The following ATP8A2 variants were observed in gnomAD, a reference collection of about 807,000 sequenced individuals.
ATP8A2 encodes ATPase phospholipid transporting 8A2.
Under a neutral mutation model 165.6 loss-of-function variants are expected in ATP8A2, and 100 were observed. The observed-to-expected ratio is 0.60, with a 90% CI of 0.51 to 0.71. ATP8A2 has a LOEUF of 0.71. Ranked by LOEUF, ATP8A2 falls within the 30% of genes least tolerant of loss-of-function variation. The pLI is 0.00. For synonymous variants in ATP8A2, 543 were observed against 548.8 expected (o/e 0.99, Z 0.15); for missense variants, 1,227 against 1,479.5 (o/e 0.83, Z 2.80).
intron 2 of ATP8A2, among the ~76,000 whole-genome samples, chr13:25,506,431 A>G (rs2037038182): frequency 6.6e-6 from 1 of 152,246 alleles, no homozygotes; most frequent in South Asian, 2.1e-4. Context: ...CTGGCCTCCA[A>G]TATGGAAACC....
At chr13:25,634,883 T>G (rs935831903) in intron 24 of ATP8A2, among the ~76,000 whole-genome samples, 1 of 152,166 alleles carries the variant, frequency 6.6e-6, no homozygotes. Context: ...ACACTTACCA[T>G]AGTGTTTAGC....
intron 33 of ATP8A2, among the ~76,000 whole-genome samples, chr13:25,890,307 GA>G (rs1953320077): frequency 1.3e-5 from 2 of 152,104 alleles, no homozygotes; most frequent in Admixed American, 1.3e-4. Flanking sequence ...AGTTTCCTTT[GA>G]AAGTGGAGAC....
At chr13:25,791,278 A>G (rs2045164834) in intron 27 of ATP8A2, among the ~76,000 whole-genome samples, 2 of 152,250 alleles carry the variant, frequency 1.3e-5, no homozygotes, top group South Asian at 2.1e-4. Flanking sequence ...GCAAACTAAC[A>G]TAGGAACAGA....
chr13:25,900,223 T>C (rs1051337195), intron 33 of ATP8A2, among the ~76,000 whole-genome samples: 7 of 152,194 alleles, frequency 4.6e-5, no homozygotes, highest in African/African-American at 1.7e-4. Context: ...CATGAATATT[T>C]ATGAGAGGAG....
intron 27 of ATP8A2, among the ~76,000 whole-genome samples, chr13:25,785,819 C>T (rs1235188341): frequency 1.3e-5 from 2 of 152,198 alleles, no homozygotes; most frequent in Admixed American, 6.5e-5. Flanking sequence ...ACAGAAAGAG[C>T]ACCTTCTGTA....
At chr13:25,784,539 C>A (rs1209836157) in intron 27 of ATP8A2, among the ~76,000 whole-genome samples, 1 of 152,132 alleles carries the variant, frequency 6.6e-6, no homozygotes, top group African/African-American at 2.4e-5. Context: ...TCCCTAAGGG[C>A]AAATAATCCA....
chr13:25,902,527 T>C (rs1420267871), intron 33 of ATP8A2, among the ~76,000 whole-genome samples: 3 of 151,886 alleles, frequency 2.0e-5, no homozygotes, highest in Admixed American at 6.6e-5. Flanking sequence ...GTTATATCTA[T>C]TCATGTGAAA....
At chr13:25,629,742 T>C (rs2041191378) in intron 24 of ATP8A2, among the ~76,000 whole-genome samples, 1 of 152,184 alleles carries the variant, frequency 6.6e-6, no homozygotes, top group South Asian at 2.1e-4. Flanking sequence ...TTTTACTGTG[T>C]TAGATCAGCG....
intron 17 of ATP8A2, 75 bp from the exon 18 acceptor site, chr13:25,571,535 T>A: frequency 8.8e-7 from 1 of 1,136,054 alleles, no homozygotes; most frequent in Non-Finnish European, 1.3e-6. Context: ...ATTTTGTTAA[T>A]TTGAAAAGTG....
intron 30 of ATP8A2, among the ~76,000 whole-genome samples, chr13:25,853,396 A>AAAT (rs1555278504): frequency 1.0e-4 from 11 of 107,850 alleles, no homozygotes; most frequent in South Asian, 8.7e-4. Flanking sequence ...ATCTAAAAAA[A>AAAT]ATATATATAT....
chr13:25,906,917 T>C (rs1203536787), intron 33 of ATP8A2, among the ~76,000 whole-genome samples: 1 of 152,214 alleles, frequency 6.6e-6, no homozygotes, highest in Admixed American at 6.5e-5. Context: ...AAACTGTTTA[T>C]TGTATTCCAA....
intron 1 of ATP8A2, among the ~76,000 whole-genome samples, chr13:25,467,850 C>G (rs779932385): frequency 1.3e-5 from 2 of 152,102 alleles, no homozygotes; most frequent in Non-Finnish European, 2.9e-5. Flanking sequence ...CATGCCCGGC[C>G]AAGATGTCAG....
chr13:25,592,335 C>T (rs1037730225), intron 24 of ATP8A2, among the ~76,000 whole-genome samples: 6 of 152,254 alleles, frequency 3.9e-5, no homozygotes, highest in Admixed American at 3.3e-4. Flanking sequence ...CCTTGCTTTG[C>T]ACATATTATG....
At chr13:25,377,019 C>T (rs1261195056) in intron 1 of ATP8A2, among the ~76,000 whole-genome samples, 2 of 152,336 alleles carry the variant, frequency 1.3e-5, no homozygotes, top group Non-Finnish European at 2.9e-5. Flanking sequence ...AGCACCTCTG[C>T]GGACGCCTTC....
intron 35 of ATP8A2, among the ~76,000 whole-genome samples, chr13:26,007,942 C>T (rs1384103947): frequency 6.6e-6 from 1 of 152,078 alleles, no homozygotes; most frequent in Admixed American, 6.5e-5. Flanking sequence ...CTTAGATTGA[C>T]AGAGAAGCAA....
At chr13:25,632,658 C>T (rs1180927528) in intron 24 of ATP8A2, among the ~76,000 whole-genome samples, 2 of 152,168 alleles carry the variant, frequency 1.3e-5, no homozygotes, top group East Asian at 3.9e-4. Flanking sequence ...CGTTAAATCC[C>T]TGCAGGTGTA....
At chr13:25,908,445 A>G (rs7342464) in intron 33 of ATP8A2, among the ~76,000 whole-genome samples, 1 of 152,244 alleles carries the variant, frequency 6.6e-6, no homozygotes, top group African/African-American at 2.4e-5. Flanking sequence ...TTGTCTTACA[A>G]GAAAGTAATG....
chr13:25,741,271 A>T (rs2043904792), intron 25 of ATP8A2, among the ~76,000 whole-genome samples: 1 of 152,222 alleles, frequency 6.6e-6, no homozygotes, highest in Admixed American at 6.5e-5. Flanking sequence ...TTCTTAAGAC[A>T]TCGGGACTGA....
At chr13:25,609,534 G>GGGATTCAAATATATATAAATATATTT (rs2040604695) in intron 24 of ATP8A2, among the ~76,000 whole-genome samples, 2 of 42,220 alleles carry the variant, frequency 4.7e-5, no homozygotes, top group East Asian at 3.2e-4. Context: ...ATATATATTT[G>GGGATTCAAATATATATAAATATATTT]GGATTCAAAT....
Sources: gnomAD v4.1 joint callset for allele counts (sites outside exome capture counted in the v4.1 genomes callset) on GRCh38, gnomAD v4.1.1 for gene constraint, MANE v1.5 for transcripts, NCBI Gene and HGNC (gene_info 2026-07-23, HGNC 2026-07-21) for gene names.